Variants in CUX2 observed in about 807,000 individuals in gnomAD.
CUX2 encodes the protein cut like homeobox 2.
Under a neutral mutation model 144.8 loss-of-function variants are expected in CUX2, and 40 were observed. The observed-to-expected ratio is 0.28, with a 90% CI of 0.21 to 0.36. CUX2 has a LOEUF of 0.36. Ranked by LOEUF, CUX2 falls within the 10% of genes least tolerant of loss-of-function variation. The pLI is 1.00. For missense variants in CUX2, 1,615 were observed against 1,994.0 expected (o/e 0.81, Z 3.62); for synonymous variants, 827 against 875.6 (o/e 0.94, Z 0.98).
intron 18 of CUX2, among the ~76,000 whole-genome samples, chr12:111,326,698 A>G (rs1433398101): frequency 1.3e-5 from 2 of 151,996 alleles, no homozygotes; most frequent in African/African-American, 4.8e-5. Context: ...GAGCCCAGGA[A>G]TTTGAGACCA....
At chr12:111,078,191 AC>A (rs1230232646) in intron 1 of CUX2, among the ~76,000 whole-genome samples, 4 of 152,234 alleles carry the variant, frequency 2.6e-5, no homozygotes, top group Non-Finnish European at 5.9e-5. Context: ...CCGGCACCAG[AC>A]TAGGCATCGG....
At chr12:111,120,746 T>G (rs1874604544) in intron 1 of CUX2, among the ~76,000 whole-genome samples, 1 of 151,898 alleles carries the variant, frequency 6.6e-6, no homozygotes, top group Non-Finnish European at 1.5e-5. Context: ...TGCTGGAGAT[T>G]AGCATAGAGA....
Position 111,334,592 on chromosome 12 carries a change from G to A in CUX2, c.3078G>A (p.Lys1026=), listed in dbSNP as rs1305929428. ...EGRSSSSLSG[K]MYSGSQAPGG... ...GCTCCAGCTCCTCGTTGAGCGGGAA[G>A]ATGTACTCAGGCAGCCAGGCCCCAG... Residue 1026 remains lysine, a synonymous_variant, in exon 19 of 22, where the codon AAG becomes AAA. Transcript: ENST00000261726. 4 of 1,613,966 alleles carry A rather than the reference G, an allele frequency of 2.5e-6. No individual in the cohort carries two copies. Among genetic ancestry groups the A allele is most frequent in the Non-Finnish European group, 3.4e-6 (4 of 1,180,036 alleles).
chr12:111,218,037 C>T, intron 3 of CUX2, 100 bp downstream of exon 3: 1 of 1,275,856 alleles, frequency 7.8e-7, no homozygotes, highest in South Asian at 1.2e-5. Flanking sequence ...CCTCCAGAAG[C>T]TTTGGAGAAG....
intron 1 of CUX2, among the ~76,000 whole-genome samples, chr12:111,143,701 G>A (rs925320016): frequency 6.6e-6 from 1 of 152,214 alleles, no homozygotes; most frequent in Non-Finnish European, 1.5e-5. Context: ...TTTTCTGGAG[G>A]CCTCGCCGCC....
chr12:111,078,951 G>C (rs960506009), intron 1 of CUX2, among the ~76,000 whole-genome samples: 2 of 152,220 alleles, frequency 1.3e-5, no homozygotes, highest in East Asian at 3.9e-4. Context: ...TCCCAGCCTA[G>C]CCTAATGAGG....
At chr12:111,227,766 C>T (rs1440865827) in intron 3 of CUX2, among the ~76,000 whole-genome samples, 4 of 152,118 alleles carry the variant, frequency 2.6e-5, no homozygotes, top group Non-Finnish European at 5.9e-5. Flanking sequence ...CAAGTGCCCT[C>T]ACCCCTCCAA....
At chr12:111,038,954 C>T (rs1015289840) in intron 1 of CUX2, among the ~76,000 whole-genome samples, 3 of 150,944 alleles carry the variant, frequency 2.0e-5, no homozygotes, top group Non-Finnish European at 3.0e-5. Flanking sequence ...TTACTTTTTT[C>T]CTTATTTTTT....
intron 1 of CUX2, among the ~76,000 whole-genome samples, chr12:111,206,632 A>G (rs1218032278): frequency 6.6e-6 from 1 of 152,228 alleles, no homozygotes; most frequent in Non-Finnish European, 1.5e-5. Context: ...ACCAGTACCT[A>G]GCACTGTGCC....
At chr12:111,131,985 G>A (rs1875513075) in intron 1 of CUX2, among the ~76,000 whole-genome samples, 1 of 152,218 alleles carries the variant, frequency 6.6e-6, no homozygotes, top group South Asian at 2.1e-4. Context: ...GCCCCAGTAG[G>A]GACTCTGTTG....
chr12:111,293,677 A>G lies in CUX2; in HGVS notation c.560+108A>G. The G allele has an allele frequency of 7.1e-7, 1 of 1,416,474 alleles. No homozygotes were observed. The highest frequency in any genetic ancestry group is 9.4e-7 in the Non-Finnish European group (1 of 1,059,146). The allele number at this position is 1,416,474 out of a possible 1,614,324, so 87.7% of individuals were successfully genotyped here. The stretch of plus-strand genomic sequence containing the variant: ...AAGTCTCCTACCAGAATCCAGATGC[A>G]GGCTGGAGACCGAGATGAGAAAGGG... On this transcript the variant is annotated intron_variant, in intron 6 of 21. Coordinates refer to ENST00000261726, the MANE Select transcript of CUX2 (RefSeq NM_015267.4). The surrounding 1 kb of genome is among the most constrained non-coding windows in gnomAD (Gnocchi z 4.5).
rs765789593 is a variant in CUX2, at chr12:111,332,128, C to CTTT, written c.2927-2294_2927-2292dup. 4.5e-3 allele frequency among the ~76,000 whole-genome samples: 538 copies of CTTT among 119,570 alleles called. 5 individuals carry two copies. The highest frequency in any genetic ancestry group is 0.017 in the African/African-American group (486 of 28,288). 78.4% of individuals were successfully genotyped at this position (119,570 alleles called of 152,430 possible). ...AAATGTAGTTTAAAAATCTGTCTACCTTTTTTTTTTTTTTTTTTTTTGGAA... is the reference window on the plus strand; with the variant it reads ...AAATGTAGTTTAAAAATCTGTCTACCTTTTTTTTTTTTTTTTTTTTTTTTGGAA... On this transcript the variant is annotated intron_variant, in intron 18 of 21. Coordinates refer to ENST00000261726, the MANE Select transcript of CUX2 (RefSeq NM_015267.4).
Position 111,293,610 on chromosome 12 carries a change from C to T in CUX2, c.560+41C>T. 4.5e-6 allele frequency: 7 copies of T among 1,546,414 alleles called. No homozygotes were observed. The highest frequency in any genetic ancestry group is 5.2e-6 in the Non-Finnish European group (6 of 1,144,156). ...TGGGTGGGAGGGAGGAAGGAATGGG[C>T]AGGGCTCCTGCTGCCCCACCTGGCT... On this transcript the variant is annotated intron_variant, in intron 6 of 21. Coordinates refer to ENST00000261726, the MANE Select transcript of CUX2 (RefSeq NM_015267.4). The surrounding 1 kb of genome is among the most constrained non-coding windows in gnomAD (Gnocchi z 4.5).
At chr12:111,281,986 G>T (rs1885133645) in intron 4 of CUX2, among the ~76,000 whole-genome samples, 1 of 152,164 alleles carries the variant, frequency 6.6e-6, no homozygotes, top group Non-Finnish European at 1.5e-5. Flanking sequence ...GTGGTGGGGA[G>T]TTTCAGAGCA....
intron 1 of CUX2, among the ~76,000 whole-genome samples, chr12:111,172,864 T>A (rs1878630796): frequency 1.3e-5 from 2 of 152,214 alleles, no homozygotes; most frequent in African/African-American, 4.8e-5. Context: ...AGAATATAAC[T>A]GCTCTGAGTT....
intron 1 of CUX2, among the ~76,000 whole-genome samples, chr12:111,201,525 G>A (rs924340304): frequency 9.2e-5 from 14 of 152,170 alleles, no homozygotes; most frequent in African/African-American, 2.9e-4. Flanking sequence ...GCCCTTAGGC[G>A]CAGCTCTCTC....
chr12:111,211,071 T>A (rs760273090), intron 1 of CUX2, among the ~76,000 whole-genome samples: 8 of 152,206 alleles, frequency 5.3e-5, no homozygotes, highest in Non-Finnish European at 8.8e-5. Flanking sequence ...TGATGTATGT[T>A]AGGAGCTTAG....
In CUX2 at chr12:111,115,468, G is replaced by A. The variant is rs142377656; in HGVS notation, c.63+81228G>A. On this transcript the variant is annotated intron_variant, in intron 1 of 21. Coordinates refer to ENST00000261726, the MANE Select transcript of CUX2 (RefSeq NM_015267.4). ...GCCCGGCTAATTTTCTGTGTTTTTA[G>A]TAGAGATGGGGTTTCACCATGTTAG... Among the ~76,000 whole-genome samples, 176 of 151,886 alleles carry A rather than the reference G, an allele frequency of 1.2e-3. 2 individuals carry two copies. In the East Asian group the frequency reaches 0.027, roughly 23 times the overall value.
intron 1 of CUX2, among the ~76,000 whole-genome samples, chr12:111,052,353 C>T (rs1870312353): frequency 1.3e-5 from 2 of 151,988 alleles, no homozygotes. Flanking sequence ...ATTGTCATCA[C>T]CATGAGGGTA....
Sources: gnomAD v4.1 joint callset for allele counts (sites outside exome capture counted in the v4.1 genomes callset) on GRCh38, gnomAD v4.1.1 for gene constraint, Gnocchi (gnomAD v3.1) non-coding constraint, MANE v1.5 for transcripts, NCBI Gene and HGNC (gene_info 2026-07-23, HGNC 2026-07-21) for gene names.